TMEM230: variants seen among roughly 807,000 people sequenced by gnomAD.
The protein encoded by TMEM230 is UPF0414 transmembrane protein C20orf30.
TMEM230 carries 10 observed loss-of-function variants against 15.8 expected under a neutral mutation model. The observed-to-expected ratio is 0.63, with a 90% confidence interval of 0.39 to 1.07. The LOEUF is 1.07. Ranked by LOEUF, TMEM230 falls within the 50% of genes least tolerant of loss-of-function variation. The pLI is 0.01. For synonymous variants in TMEM230, 67 were observed against 76.9 expected (o/e 0.87, Z 0.68); for missense variants, 165 against 193.3 (o/e 0.85, Z 0.87).
At chr20:5,061,404 G>A in the TMEM230 span, 1 of 152,194 alleles carries the variant, frequency 6.6e-6, no homozygotes, top group African/African-American at 2.4e-5. Context: ...GGGAGTCTGT[G>A]AGAAATGCAG....
At chr20:5,112,780 G>A (rs1054871482) in intron 1 of TMEM230, 181 bp downstream of exon 1, 20 of 1,482,346 alleles carry the variant, frequency 1.3e-5, no homozygotes, top group African/African-American at 8.4e-5. Flanking sequence ...AATAAGAACC[G>A]ACGCGAATTT....
At chr20:5,071,623 C>CAAAA (rs1420855948) in intron 3 of TMEM230, among the ~76,000 whole-genome samples, 2 of 26,560 alleles carry the variant, frequency 7.5e-5, no homozygotes, top group Non-Finnish European at 8.1e-5. Flanking sequence ...AACTCCGTCT[C>CAAAA]AAAAAAAAAA....
intron 3 of TMEM230, among the ~76,000 whole-genome samples, chr20:5,074,449 C>T (rs1250409856): frequency 1.3e-5 from 2 of 152,006 alleles, no homozygotes; most frequent in Non-Finnish European, 1.5e-5. Context: ...CCTAGAAGCC[C>T]AAACCCATTT....
intron 3 of TMEM230, among the ~76,000 whole-genome samples, chr20:5,078,966 A>G (rs1230145113): frequency 1.3e-5 from 2 of 152,004 alleles, no homozygotes; most frequent in Middle Eastern, 3.4e-3. Context: ...ACATTTGTTA[A>G]TTAGTTATTC....
intron 3 of TMEM230, among the ~76,000 whole-genome samples, chr20:5,094,223 C>T (rs113361570): frequency 1.9e-4 from 29 of 151,476 alleles, no homozygotes; most frequent in African/African-American, 6.5e-4. Context: ...TCCCAAAGTG[C>T]TGGGATTACA....
At chr20:5,106,143 A>G (rs1174933602) in intron 4 of TMEM230, 45 bp downstream of exon 3, 2 of 1,594,054 alleles carry the variant, frequency 1.3e-6, no homozygotes, top group East Asian at 4.5e-5. Flanking sequence ...CTTGGCTAAC[A>G]TTTTAAAAAT....
rs969414958 is a variant in TMEM230, at chr20:5,108,386, T to C, written c.288+946A>G. On this transcript the variant is annotated intron_variant, in intron 3 of 4. Coordinates refer to ENST00000342308, the MANE Select transcript of TMEM230 (RefSeq NM_001009923.2). ...GTGAGCCGAGGTTGTGCCACTGCAC[T>C]CCAGCCTGGGAAACAAGACTAAAAC... is the stretch of plus-strand genomic sequence containing the variant. Among the ~76,000 whole-genome samples the C allele has an allele frequency of 2.2e-5, 3 of 137,742 alleles. No individual in the cohort carries two copies. In the East Asian group the frequency reaches 6.3e-4, roughly 29 times the overall value. The allele number at this position is 137,742 out of a possible 152,430, so 90.4% of individuals were successfully genotyped here.
At chr20:5,069,392 C>A in intron 3 of TMEM230, 1 of 1,489,642 alleles carries the variant, frequency 6.7e-7, no homozygotes, top group South Asian at 1.3e-5. Flanking sequence ...ACAAGTTCTG[C>A]CTCTTCAACC....
In TMEM230 at chr20:5,102,643, A is replaced by T. The variant is rs373620308; in HGVS notation, c.412-1712T>A. On this transcript the variant is annotated intron_variant, in intron 4 of 4. Transcript: ENST00000342308. ...GAGGCAAAGGTTGCAGTGAGCTGAGATCGCACCACTGCACTACACCTGCAT... is the reference window on the plus strand; with the variant it reads ...GAGGCAAAGGTTGCAGTGAGCTGAGTTCGCACCACTGCACTACACCTGCAT... Among the ~76,000 whole-genome samples, 432 of 150,068 alleles carry T rather than the reference A, an allele frequency of 2.9e-3. 3 individuals are homozygous for T. Among genetic ancestry groups the T allele is most frequent in the African/African-American group, 9.4e-3 (385 of 40,932 alleles).
downstream of TMEM230, among the ~76,000 whole-genome samples, chr20:5,097,969 ATTTTTTTTT>A (rs5840073): frequency 4.5e-5 from 3 of 67,252 alleles, no homozygotes; most frequent in Non-Finnish European, 7.7e-5. Flanking sequence ...CTAACTCAGG[ATTTTTTTTT>A]TTTTTTTTTT....
chr20:5,076,588 C>G (rs1397124383), intron 3 of TMEM230, among the ~76,000 whole-genome samples: 5 of 151,474 alleles, frequency 3.3e-5, no homozygotes, highest in Non-Finnish European at 7.4e-5. Flanking sequence ...TGGATGGACT[C>G]ACCAATTTGT....
chr20:5,082,222 TTCTCTCTCTCTTTC>T (rs1299437142), intron 3 of TMEM230, among the ~76,000 whole-genome samples: 2 of 120,378 alleles, frequency 1.7e-5, no homozygotes, highest in East Asian at 4.3e-4. Flanking sequence ...AAAGCCTTGT[TTCTCTCTCTCTTTC>T]TCTCTCTCTC....
chr20:5,107,588 T>C (rs999745076), intron 3 of TMEM230, among the ~76,000 whole-genome samples: 1 of 152,184 alleles, frequency 6.6e-6, no homozygotes, highest in African/African-American at 2.4e-5. Context: ...TATATATTTA[T>C]TAACTGCCTG....
chr20:5,075,066 CT>C (rs35746212), intron 3 of TMEM230, among the ~76,000 whole-genome samples: 3,715 of 138,998 alleles, frequency 0.027, 131 homozygotes, highest in African/African-American at 0.081. Flanking sequence ...TAAAGTGGTA[CT>C]TTTTTTTTTT....
chr20:5,101,726 C>T (rs2089872755), intron 4 of TMEM230, among the ~76,000 whole-genome samples: 1 of 152,216 alleles, frequency 6.6e-6, no homozygotes, highest in Non-Finnish European at 1.5e-5. Context: ...CTGCACCTGG[C>T]TGGCTGTGTT....
At chr20:5,068,465 G>C (rs1172300867), downstream of TMEM230, 4 of 152,372 alleles carry the variant, frequency 2.6e-5, no homozygotes, top group Non-Finnish European at 4.4e-5. Context: ...GAAGGCAAAG[G>C]AGAAGCAGGC....
rs1321376416 is a variant in TMEM230 at position 5,088,295 on chromosome 20, GGAGA to G, written c.222+17889_222+17892del. ...CTGTACTCCAGCCTGGGCAACGGAG[GGAGA>G]CTCTGTCTCAAAAAAAAAAAAAAAA... On this transcript the variant is annotated intron_variant, in intron 3 of 3. Coordinates refer to the TMEM230 transcript ENST00000612323. 2.7e-5 allele frequency among the ~76,000 whole-genome samples: 4 copies of G among 146,526 alleles called. No individual in the cohort carries two copies. In the East Asian group the frequency reaches 8.1e-4, roughly 30 times the overall value.
At chr20:5,076,914 G>A (rs1471422288) in intron 3 of TMEM230, among the ~76,000 whole-genome samples, 2 of 151,582 alleles carry the variant, frequency 1.3e-5, no homozygotes, top group Non-Finnish European at 2.9e-5. Context: ...CTGACCTCAG[G>A]TGATCCACCC....
downstream of TMEM230, among the ~76,000 whole-genome samples, chr20:5,067,684 C>T (rs887345415): frequency 9.3e-5 from 14 of 150,500 alleles, no homozygotes; most frequent in African/African-American, 3.4e-4. Flanking sequence ...CCTCATGATC[C>T]ACCTACCTCA....
Sources: allele counts gnomAD v4.1 joint callset (sites outside exome capture counted in the v4.1 genomes callset), GRCh38; gene constraint gnomAD v4.1.1; transcripts MANE v1.5; gene names NCBI Gene and HGNC (gene_info 2026-07-23, HGNC 2026-07-21).